Variants in PCDHGC3 observed in about 807,000 individuals in gnomAD.
The protein encoded by PCDHGC3 is protocadherin gamma subfamily C, 3.
Under a neutral mutation model 59.2 loss-of-function variants are expected in PCDHGC3, and 26 were observed. That is an observed-to-expected ratio of 0.44 (90% CI 0.32 to 0.61). The LOEUF (loss-of-function observed/expected upper bound fraction) is 0.61. PCDHGC3 is among the 20% of genes least tolerant of loss of function. The pLI is 0.05. For synonymous variants in PCDHGC3, 487 were observed against 519.7 expected (o/e 0.94, Z 0.86); for missense variants, 1,080 against 1,221.8 (o/e 0.88, Z 1.73).
At chr5:141,504,528 C>T (rs750099460) in intron 2 of PCDHGC3, among the ~76,000 whole-genome samples, 2 of 151,854 alleles carry the variant, frequency 1.3e-5, no homozygotes, top group Non-Finnish European at 2.9e-5. Flanking sequence ...ATATTTTATT[C>T]GTGTCATCAT....
chr5:141,511,598 A>C lies in PCDHGC3; in HGVS notation c.*425A>C. ...GGTTGGGGTGTTGAAGTACCAAGTA[A>C]CCTACAAGCCTCCTAGTTCTGAAAA... On this transcript the variant is annotated 3_prime_UTR_variant, in exon 4 of 4. Transcript: ENST00000308177. 3.9e-6 allele frequency: 1 copy of C among 255,742 alleles called. No individual in the cohort carries two copies. The highest frequency in any genetic ancestry group is 7.8e-6 in the Non-Finnish European group (1 of 127,952). The allele number at this position is 255,742 out of a possible 1,614,324, so 15.8% of individuals were successfully genotyped here.
intron 3 of PCDHGC3, among the ~76,000 whole-genome samples, chr5:141,509,596 G>A (rs538867815): frequency 1.3e-5 from 2 of 152,258 alleles, no homozygotes; most frequent in Admixed American, 6.5e-5. Context: ...TGGCAATTCC[G>A]AGAGGCTGCA....
At position 141,511,238 on chromosome 5, in the gene PCDHGC3, G is replaced by A; in HGVS notation, c.*65G>A. ...CAACCAGCCCAGCTTCTCCTTACCT[G>A]CACCCAGGCCTCAGAGTTTCAGGGC... On this transcript the variant is annotated 3_prime_UTR_variant, in exon 4 of 4. Coordinates refer to ENST00000308177, the MANE Select transcript of PCDHGC3 (RefSeq NM_002588.4). 6.3e-7 allele frequency: 1 copy of A among 1,589,142 alleles called. No homozygotes were observed. The highest frequency in any genetic ancestry group is 2.3e-5 in the East Asian group (1 of 43,302).
Position 141,476,072 on chromosome 5 carries a change from C to A in PCDHGC3, c.-45C>A. 1.3e-6 allele frequency: 2 copies of A among 1,523,462 alleles called. No individual in the cohort carries two copies. The highest frequency in any genetic ancestry group is 1.3e-5 in the South Asian group (1 of 77,998). 94.4% of individuals were successfully genotyped at this position (1,523,462 alleles called of 1,614,324 possible). The stretch of plus-strand genomic sequence containing the variant: ...CGCTGAAAGTTTCTCAGCGAAATCT[C>A]AGGGACGATCTGGACCCCGCTGAGA... On this transcript the variant is annotated 5_prime_UTR_variant, in exon 1 of 4. Coordinates refer to ENST00000308177, the MANE Select transcript of PCDHGC3 (RefSeq NM_002588.4). The surrounding 1 kb of genome is among the most constrained non-coding windows in gnomAD (Gnocchi z 7.6).
chr5:141,481,736 G>A (rs569415213), intron 1 of PCDHGC3, among the ~76,000 whole-genome samples: 23 of 151,934 alleles, frequency 1.5e-4, no homozygotes, highest in African/African-American at 4.3e-4. Flanking sequence ...GGCGGATCAC[G>A]AGGTCAGGAG....
At chr5:141,488,991 T>G in intron 1 of PCDHGC3, 1 of 414,332 alleles carries the variant, frequency 2.4e-6, no homozygotes, top group Non-Finnish European at 4.3e-6. Flanking sequence ...AGAGCTGAGG[T>G]GGGAGATCTG....
rs747811019 is a variant in PCDHGC3 at position 141,490,069 on chromosome 5, C to T, written c.2431-4738C>T. 6 of 1,614,150 alleles carry T rather than the reference C, an allele frequency of 3.7e-6. No homozygotes were observed. Among genetic ancestry groups the T allele is most frequent in the Non-Finnish European group, 5.1e-6 (6 of 1,180,044 alleles). ...TCCAGACGAGGGCACCAACGGCCAA[C>T]TAGACTATTCTTTTGGAGACCACAC... On this transcript the variant is annotated intron_variant, in intron 1 of 3. Transcript: ENST00000308177. This position sits in a 1 kb window ranked among gnomAD's most constrained non-coding sequence, Gnocchi z 5.4.
Position 141,476,993 on chromosome 5 carries a change from C to A in PCDHGC3, c.877C>A (p.Gln293Lys). 6.2e-7 allele frequency: 1 copy of A among 1,614,244 alleles called. No individual in the cohort carries two copies. Among genetic ancestry groups the A allele is most frequent in the South Asian group, 1.1e-5 (1 of 91,086 alleles). ...FGSHNRAGVR[Q>K]LFALDLVTGM... is the part of the protein sequence containing the mutation. Reference sequence around the variant, plus strand: ...CAGCCACAACCGCGCCGGCGTGCGGCAACTATTCGCCTTAGACCTTGTAAC... The same window carrying A: ...CAGCCACAACCGCGCCGGCGTGCGGAAACTATTCGCCTTAGACCTTGTAAC... Residue 293 changes from glutamine (Q) to lysine (K), a missense_variant, in exon 1 of 4, where the codon CAA (glutamine) becomes AAA (lysine). Gln to Lys is a moderately conservative substitution (Grantham distance 53, BLOSUM62 1). Coordinates refer to ENST00000308177, the MANE Select transcript of PCDHGC3 (RefSeq NM_002588.4). This position sits in a 1 kb window ranked among gnomAD's most constrained non-coding sequence, Gnocchi z 7.6.
rs2099629540 is a variant in PCDHGC3, at chr5:141,486,436, T to C, written c.2430+7890T>C. 2 of 1,614,188 alleles carry C rather than the reference T, an allele frequency of 1.2e-6. No individual in the cohort carries two copies. The highest frequency in any genetic ancestry group is 1.7e-6 in the Non-Finnish European group (2 of 1,180,020). On this transcript the variant is annotated intron_variant, in intron 1 of 3. Coordinates refer to ENST00000308177, the MANE Select transcript of PCDHGC3 (RefSeq NM_002588.4). This position sits in a 1 kb window ranked among gnomAD's most constrained non-coding sequence, Gnocchi z 5.0. ...TGGATCGAGAGGCCAAATCTAGCTA[T>C]GACATCATGGTCACTGCTTCTGATG... is the stretch of plus-strand genomic sequence containing the variant.
intron 2 of PCDHGC3, among the ~76,000 whole-genome samples, chr5:141,497,248 G>A (rs1442942520): frequency 6.6e-6 from 1 of 152,128 alleles, no homozygotes; most frequent in African/African-American, 2.4e-5. Context: ...AGGAGGAGGT[G>A]ACATTGAGAA....
intron 3 of PCDHGC3, among the ~76,000 whole-genome samples, chr5:141,508,624 G>A (rs552418899): frequency 3.3e-5 from 5 of 152,256 alleles, no homozygotes; most frequent in African/African-American, 9.6e-5. Context: ...TGGGTGGGCC[G>A]AGCTTCTAGC....
Position 141,489,592 on chromosome 5 carries a change from C to T in PCDHGC3, c.2431-5215C>T, listed in dbSNP as rs747085985. 1.3e-5 allele frequency: 21 copies of T among 1,613,928 alleles called. No individual in the cohort carries two copies. The East Asian group carries it at 1.6e-4, about 12-fold the overall frequency. ...GACTGAACACCCCCTGGAGCTAATC[C>T]GTGTAGAGGTAGAGATCCTGGATCT... is the stretch of plus-strand genomic sequence containing the variant. On this transcript the variant is annotated intron_variant, in intron 1 of 3. Transcript: ENST00000308177. This position sits in a 1 kb window ranked among gnomAD's most constrained non-coding sequence, Gnocchi z 4.5.
In PCDHGC3 at chr5:141,489,621, T is replaced by C. The variant is rs765666746; in HGVS notation, c.2431-5186T>C. 29 of 1,613,978 alleles carry C rather than the reference T, an allele frequency of 1.8e-5. No individual in the cohort carries two copies. The highest frequency in any genetic ancestry group is 1.6e-4 in the Middle Eastern group (1 of 6,084). On this transcript the variant is annotated intron_variant, in intron 1 of 3. Transcript: ENST00000308177. The surrounding 1 kb of genome is among the most constrained non-coding windows in gnomAD (Gnocchi z 4.5). ...TAGAGGTAGAGATCCTGGATCTCAATGACAACTCTCCTAGCTTTGCCACCC... is the reference window on the plus strand; with the variant it reads ...TAGAGGTAGAGATCCTGGATCTCAACGACAACTCTCCTAGCTTTGCCACCC...
In PCDHGC3 at chr5:141,505,090, A is replaced by C. The variant is rs1018571873; in HGVS notation, c.2490-303A>C. Among the ~76,000 whole-genome samples the C allele has an allele frequency of 3.9e-5, 6 of 152,188 alleles. 1 individual carries two copies. The South Asian group carries it at 1.2e-3, about 31-fold the overall frequency. ...GGCAGGAGAATCGCTTGAACCCAGG[A>C]GGTGGATGTTGCAATGAGCCAAGAT... On this transcript the variant is annotated intron_variant, in intron 2 of 3. Transcript: ENST00000308177.
At chr5:141,502,552 T>C (rs1217408446) in intron 2 of PCDHGC3, among the ~76,000 whole-genome samples, 1 of 152,146 alleles carries the variant, frequency 6.6e-6, no homozygotes, top group Non-Finnish European at 1.5e-5. Context: ...AAAAACAGTG[T>C]CCCAGATCTC....
At position 141,505,413 on chromosome 5, in the gene PCDHGC3, C is replaced by A; in HGVS notation, c.2510C>A (p.Thr837Asn). ...CCCAGCTCCCAAAATGGCGATGACACCGGCACCTGGCCCAACAACCAGTTT... is the reference window on the plus strand; with the variant it reads ...CCCAGCTCCCAAAATGGCGATGACAACGGCACCTGGCCCAACAACCAGTTT... ...GTSGSQNGDD[T>N]GTWPNNQFDT... Residue 837 changes from threonine to asparagine, a missense_variant, in exon 3 of 4, where the codon ACC becomes AAC. Physicochemically the swap from Thr to Asn is moderately conservative, Grantham distance 65 (BLOSUM62 0). Coordinates refer to ENST00000308177, the MANE Select transcript of PCDHGC3 (RefSeq NM_002588.4). 1 of 1,614,202 alleles carries A rather than the reference C, an allele frequency of 6.2e-7. No homozygotes were observed. Among genetic ancestry groups the A allele is most frequent in the Non-Finnish European group, 8.5e-7 (1 of 1,180,046 alleles).
intron 1 of PCDHGC3, 39 bp downstream of exon 1, chr5:141,478,585 T>A (rs1474599564): frequency 1.3e-5 from 20 of 1,576,728 alleles, no homozygotes; most frequent in Non-Finnish European, 1.7e-5. Flanking sequence ...TGTTAGTGCT[T>A]TTTTATTCCT....
In PCDHGC3 at chr5:141,487,161, T is replaced by C; in HGVS notation, c.2431-7646T>C. Reference sequence around the variant, plus strand: ...CTCTCTACCTCTGTTACTCTCTTAGTGTCCTTAGAGGAAGACACTCATCCA... The same window carrying C: ...CTCTCTACCTCTGTTACTCTCTTAGCGTCCTTAGAGGAAGACACTCATCCA... On this transcript the variant is annotated intron_variant, in intron 1 of 3. Coordinates refer to ENST00000308177, the MANE Select transcript of PCDHGC3 (RefSeq NM_002588.4). This position sits in a 1 kb window ranked among gnomAD's most constrained non-coding sequence, Gnocchi z 5.0. 6.2e-7 allele frequency: 1 copy of C among 1,613,528 alleles called. No homozygotes were observed.
At position 141,485,163 on chromosome 5, in the gene PCDHGC3, G is replaced by A. The variant is rs2099608470; in HGVS notation, c.2430+6617G>A. 14 of 1,604,624 alleles carry A rather than the reference G, an allele frequency of 8.7e-6. No individual in the cohort carries two copies. The highest frequency in any genetic ancestry group is 1.1e-5 in the Non-Finnish European group (13 of 1,172,560). ...TCTCAGGAGCAAGTAGAGAATTAGCGGGCGGCAGCAATGCTCCGCAAGGTG... is the reference window on the plus strand; with the variant it reads ...TCTCAGGAGCAAGTAGAGAATTAGCAGGCGGCAGCAATGCTCCGCAAGGTG... On this transcript the variant is annotated intron_variant, in intron 1 of 3. Coordinates refer to ENST00000308177, the MANE Select transcript of PCDHGC3 (RefSeq NM_002588.4). The surrounding 1 kb of genome is among the most constrained non-coding windows in gnomAD (Gnocchi z 5.7).
Sources: allele counts gnomAD v4.1 joint callset (sites outside exome capture counted in the v4.1 genomes callset), GRCh38; gene constraint gnomAD v4.1.1; non-coding constraint Gnocchi (gnomAD v3.1); transcripts MANE v1.5; gene names NCBI Gene and HGNC (gene_info 2026-07-23, HGNC 2026-07-21).